TOM1L2: variants seen among roughly 807,000 people sequenced by gnomAD.
TOM1L2 encodes the protein target of myb1 like 2 membrane trafficking protein, also known as TOM1-like protein 2.
In TOM1L2, 31 loss-of-function variants were observed where a neutral mutation model predicts 67.9. The observed-to-expected ratio is 0.46, with a 90% CI of 0.34 to 0.62. The LOEUF (loss-of-function observed/expected upper bound fraction) is 0.62, where lower values mean the gene tolerates loss of function less well. TOM1L2 is among the 20% of genes least tolerant of loss of function. The probability of loss-of-function intolerance (pLI) is 0.01; values close to 1 mark genes in which losing one functional copy is unlikely to be tolerated. For synonymous variants in TOM1L2, 256 were observed against 254.0 expected (o/e 1.01, Z -0.07); for missense variants, 606 against 663.5 (o/e 0.91, Z 0.95).
intron 1 of TOM1L2, among the ~76,000 whole-genome samples, chr17:17,953,047 A>T (rs773981773): frequency 1.3e-5 from 2 of 152,122 alleles, no homozygotes; most frequent in Non-Finnish European, 1.5e-5. Context: ...TGGGAGGCTG[A>T]GGTGGGCAGA....
chr17:17,861,569 G>T lies in TOM1L2; in HGVS notation c.1203-18C>A. On this transcript the variant is annotated intron_variant, in intron 11 of 14. Coordinates refer to ENST00000379504, the MANE Select transcript of TOM1L2 (RefSeq NM_001082968.2). ...AGGTTACCCTGGAGATGAAGAAGCA[G>T]CACAAGCAGAGTTCATTTTCCTCCA... The T allele has an allele frequency of 6.2e-7, 1 of 1,613,144 alleles. No individual in the cohort carries two copies. The highest frequency in any genetic ancestry group is 8.5e-7 in the Non-Finnish European group (1 of 1,179,286).
intron 3 of TOM1L2, among the ~76,000 whole-genome samples, chr17:17,898,242 A>G (rs1164440510): frequency 1.3e-5 from 2 of 152,088 alleles, no homozygotes; most frequent in African/African-American, 4.8e-5. Context: ...TACAAAGAGG[A>G]AACTGATATC....
intron 7 of TOM1L2, among the ~76,000 whole-genome samples, chr17:17,876,454 A>G (rs141334726): frequency 3.2e-4 from 49 of 152,278 alleles, no homozygotes; most frequent in Middle Eastern, 3.4e-3. Context: ...GCTTATGGCA[A>G]TCTTCAAATA....
At chr17:17,954,719 AAGG>A (rs939802564) in intron 1 of TOM1L2, among the ~76,000 whole-genome samples, 4 of 152,162 alleles carry the variant, frequency 2.6e-5, no homozygotes, top group Admixed American at 2.0e-4. Flanking sequence ...GGAGAATATG[AAGG>A]AGGAGACCAG....
chr17:17,853,646 A>G (rs2143562534), intron 12 of TOM1L2, among the ~76,000 whole-genome samples: 1 of 152,354 alleles, frequency 6.6e-6, no homozygotes, highest in Non-Finnish European at 1.5e-5. Context: ...GGCATCCTCC[A>G]GACCAAGCCC....
rs1051900018 is a variant in TOM1L2 at position 17,843,801 on chromosome 17, C to T, written c.*3834G>A. 12 of 152,430 alleles carry T rather than the reference C, an allele frequency of 7.9e-5. No individual in the cohort carries two copies. The highest frequency in any genetic ancestry group is 2.1e-4 in the South Asian group (1 of 4,832). 9.4% of individuals were successfully genotyped at this position (152,430 alleles called of 1,614,324 possible). On this transcript the variant is annotated 3_prime_UTR_variant, in exon 15 of 15. Transcript: ENST00000379504. ...GTGCAAACTTTAGGAAATAAATATC[C>T]GTCCCCCTCTCCGGGAGAGCCTGGA...
Position 17,882,800 on chromosome 17 carries a change from C to T in TOM1L2, c.565G>A (p.Ala189Thr), listed in dbSNP as rs149335483. The T allele has an allele frequency of 3.0e-5, 48 of 1,614,080 alleles. No homozygotes were observed. Among genetic ancestry groups the T allele is most frequent in the Non-Finnish European group, 4.0e-5 (47 of 1,180,036 alleles). Reference protein sequence around the residue: ...PRSQSQQRTSAGSYSSPPPAP... With the variant: ...PRSQSQQRTSTGSYSSPPPAP... ...GGAGGCGGCGAGGAATAGGAACCAG[C>T]ACTTGTCCTCTGCTGTGATTGGGAC... is the stretch of plus-strand genomic sequence containing the variant. Residue 189 changes from alanine (A) to threonine (T), a missense_variant, in exon 6 of 15, where the codon GCT becomes ACT. Physicochemically the swap from Ala to Thr is moderately conservative, Grantham distance 58. This residue lies in a region of TOM1L2 where 543 missense variants were observed against 554.0 expected (regional missense o/e 0.98). Coordinates refer to ENST00000379504, the MANE Select transcript of TOM1L2 (RefSeq NM_001082968.2).
At chr17:17,892,606 C>T (rs752171882) in intron 4 of TOM1L2, among the ~76,000 whole-genome samples, 1 of 152,096 alleles carries the variant, frequency 6.6e-6, no homozygotes, top group Admixed American at 6.5e-5. Context: ...CCATCTCCTG[C>T]CTGCTCCCCC....
intron 1 of TOM1L2, among the ~76,000 whole-genome samples, chr17:17,922,742 G>A (rs566556264): frequency 3.3e-5 from 5 of 152,334 alleles, no homozygotes; most frequent in African/African-American, 1.2e-4. Flanking sequence ...ACATAGTGAG[G>A]GCGCAATAAA....
intron 1 of TOM1L2, among the ~76,000 whole-genome samples, chr17:17,923,402 A>AAAC (rs969029161): frequency 6.6e-6 from 1 of 152,164 alleles, no homozygotes; most frequent in African/African-American, 2.4e-5. Context: ...ACTCCATCTC[A>AAAC]AACAACAACA....
rs549251056 is a variant in TOM1L2, at chr17:17,898,777, C to A, written c.138-103G>T. 19 of 1,154,432 alleles carry A rather than the reference C, an allele frequency of 1.6e-5. No homozygotes were observed. The South Asian group carries it at 2.4e-4, about 15-fold the overall frequency. The allele number at this position is 1,154,432 out of a possible 1,614,324, so 71.5% of individuals were successfully genotyped here. ...TATATGCAAGACTATTTGCTGGCTG[C>A]AGCATGTTTGTAAATGTAAAAGACT... On this transcript the variant is annotated intron_variant, in intron 2 of 14. Coordinates refer to ENST00000379504, the MANE Select transcript of TOM1L2 (RefSeq NM_001082968.2).
chr17:17,920,013 ATCCTC>A (rs887772980), intron 1 of TOM1L2, among the ~76,000 whole-genome samples: 7 of 152,250 alleles, frequency 4.6e-5, no homozygotes, highest in Non-Finnish European at 1.0e-4. Flanking sequence ...ACCCTGATCC[ATCCTC>A]AGGTAGAGGG....
intron 4 of TOM1L2, among the ~76,000 whole-genome samples, chr17:17,891,233 C>T (rs557441052): frequency 6.6e-6 from 1 of 152,358 alleles, no homozygotes; most frequent in East Asian, 1.9e-4. Flanking sequence ...CTGGCCACTT[C>T]ACACCTTGGG....
chr17:17,843,538 G>A lies in TOM1L2; in HGVS notation c.*4097C>T, dbSNP rs2035492009. 6.6e-6 allele frequency: 1 copy of A among 152,188 alleles called. No homozygotes were observed. Among genetic ancestry groups the A allele is most frequent in the African/African-American group, 2.4e-5 (1 of 41,446 alleles). 9.4% of individuals were successfully genotyped at this position (152,188 alleles called of 1,614,324 possible). A position where few individuals can be genotyped will look rare whatever the true frequency, so the allele number is the denominator to read the frequency against. On this transcript the variant is annotated 3_prime_UTR_variant, in exon 15 of 15. Coordinates refer to ENST00000379504, the MANE Select transcript of TOM1L2 (RefSeq NM_001082968.2). ...TGTTCAATTATTTATTTATTGTGGA[G>A]TATTTTACATGCAAGAACCCAATTA...
At chr17:17,966,048 G>A (rs1052581792) in intron 1 of TOM1L2, among the ~76,000 whole-genome samples, 3 of 152,268 alleles carry the variant, frequency 2.0e-5, no homozygotes, top group Middle Eastern at 3.4e-3. Flanking sequence ...TTAAACCCAG[G>A]AGGTGGAGGT....
intron 3 of TOM1L2, among the ~76,000 whole-genome samples, chr17:17,897,913 G>A (rs1421093756): frequency 2.6e-5 from 4 of 151,724 alleles, no homozygotes; most frequent in Non-Finnish European, 5.9e-5. Context: ...CTCAATAGGT[G>A]GAAGTTAACT....
chr17:17,970,354 G>T (rs1299531061), intron 1 of TOM1L2, among the ~76,000 whole-genome samples: 1 of 152,026 alleles, frequency 6.6e-6, no homozygotes, highest in Non-Finnish European at 1.5e-5. Flanking sequence ...GTGAGCCACC[G>T]CACCCAACCA....
chr17:17,912,384 T>G (rs1258079575), intron 1 of TOM1L2, among the ~76,000 whole-genome samples: 1 of 144,244 alleles, frequency 6.9e-6, no homozygotes, highest in Non-Finnish European at 1.5e-5. Context: ...TCCTCACTTC[T>G]CAGACGGGGC....
intron 1 of TOM1L2, among the ~76,000 whole-genome samples, chr17:17,949,603 A>G (rs550522120): frequency 6.6e-6 from 1 of 152,342 alleles, no homozygotes. Flanking sequence ...TAAGTGTGGC[A>G]TCCAAGCCTC....
Sources: allele counts gnomAD v4.1 joint callset (sites outside exome capture counted in the v4.1 genomes callset), GRCh38; gene constraint gnomAD v4.1.1; regional missense constraint gnomAD v4.1.1; transcripts MANE v1.5; gene names NCBI Gene and HGNC (gene_info 2026-07-23, HGNC 2026-07-21).